The following PRMT8 variants were observed in gnomAD, a reference collection of about 807,000 sequenced individuals.
PRMT8 encodes the protein protein arginine N-methyltransferase 8.
In PRMT8, 7 loss-of-function variants were observed where a neutral mutation model predicts 47.1. The observed-to-expected ratio is 0.15, with a 90% CI of 0.08 to 0.28. The LOEUF is 0.28. Among genes scored for constraint, PRMT8 ranks in the 10% least tolerant of loss-of-function variants. The pLI is 1.00. For synonymous variants in PRMT8, 188 were observed against 186.5 expected (o/e 1.01, Z -0.07); for missense variants, 237 against 505.4 (o/e 0.47, Z 5.09).
chr12:3,540,832 C>A, intron 2 of PRMT8, 41 bp downstream of exon 2: 1 of 1,577,106 alleles, frequency 6.3e-7, no homozygotes, highest in South Asian at 1.2e-5. Context: ...GCGAGGCTGA[C>A]TCTGCTGTTC....
At chr12:3,559,726 T>A (rs896807376) in intron 4 of PRMT8, among the ~76,000 whole-genome samples, 2 of 152,216 alleles carry the variant, frequency 1.3e-5, no homozygotes, top group African/African-American at 4.8e-5. Context: ...GGCAGATGTC[T>A]GTCACCCCAT....
At position 3,550,258 on chromosome 12, in the gene PRMT8, G is replaced by A. The variant is rs557461434; in HGVS notation, c.417+167G>A. 19 of 768,548 alleles carry A rather than the reference G, an allele frequency of 2.5e-5. No individual in the cohort carries two copies. In the African/African-American group the frequency reaches 2.6e-4, roughly 11 times the overall value. The allele number at this position is 768,548 out of a possible 1,614,324, so 47.6% of individuals were successfully genotyped here. A position where few individuals can be genotyped will look rare whatever the true frequency, so the allele number is the denominator to read the frequency against. On this transcript the variant is annotated intron_variant, in intron 3 of 9. Transcript: ENST00000382622. The surrounding 1 kb of genome is among the most constrained non-coding windows in gnomAD (Gnocchi z 5.1). ...GTGTGACTCTCAGGAAGGGGAGCAGGCTGCCTGTCCCCTGTGCATGGCTCC... is the reference window on the plus strand; with the variant it reads ...GTGTGACTCTCAGGAAGGGGAGCAGACTGCCTGTCCCCTGTGCATGGCTCC...
chr12:3,572,449 C>T lies in PRMT8; in HGVS notation c.712+2885C>T, dbSNP rs981808007. Among the ~76,000 whole-genome samples, 1 of 152,184 alleles carries T rather than the reference C, an allele frequency of 6.6e-6. No homozygotes were observed. The highest frequency in any genetic ancestry group is 1.5e-5 in the Non-Finnish European group (1 of 68,016). On this transcript the variant is annotated intron_variant, in intron 6 of 9. Transcript: ENST00000382622. This position sits in a 1 kb window ranked among gnomAD's most constrained non-coding sequence, Gnocchi z 5.9. ...TGTACCCAGTGCATGAATCTACACC[C>T]TGCTGAGAATGAGAGAGATGGGCAC...
rs1464223990 is a variant in PRMT8 at position 3,569,180 on chromosome 12, T to C, written c.625-297T>C. ...TGGCTGCCAGAGCCAGGTGTGCTAT[T>C]CATCTGGGCTTCTCCAGGCCAAAGT... is the stretch of plus-strand genomic sequence containing the variant. On this transcript the variant is annotated intron_variant, in intron 5 of 9. Transcript: ENST00000382622. This position sits in a 1 kb window ranked among gnomAD's most constrained non-coding sequence, Gnocchi z 8.2. Among the ~76,000 whole-genome samples, 1 of 152,234 alleles carries C rather than the reference T, an allele frequency of 6.6e-6. No homozygotes were observed. Among genetic ancestry groups the C allele is most frequent in the Non-Finnish European group, 1.5e-5 (1 of 68,032 alleles).
Position 3,491,724 on chromosome 12 carries a change from C to T in PRMT8, c.75+24C>T, listed in dbSNP as rs772686122. On this transcript the variant is annotated intron_variant, in intron 1 of 9. Transcript: ENST00000382622. ...AGGTAAGGAGGCGAGCGAGCAGGGG[C>T]TCTCGGAGACCCCGCCGCCCACCCG... 2.5e-6 allele frequency: 4 copies of T among 1,593,272 alleles called. No homozygotes were observed. In the South Asian group the frequency reaches 3.4e-5, roughly 13 times the overall value.
chr12:3,420,112 C>T (rs1374063370), intron 1 of PRMT8, among the ~76,000 whole-genome samples: 1 of 151,754 alleles, frequency 6.6e-6, no homozygotes, highest in Non-Finnish European at 1.5e-5. Context: ...TGGAGGAACC[C>T]ACCTCATATG....
chr12:3,572,287 C>T lies in PRMT8; in HGVS notation c.712+2723C>T, dbSNP rs1437779596. 2.6e-5 allele frequency among the ~76,000 whole-genome samples: 4 copies of T among 152,170 alleles called. No individual in the cohort carries two copies. The highest frequency in any genetic ancestry group is 5.9e-5 in the Non-Finnish European group (4 of 68,024). On this transcript the variant is annotated intron_variant, in intron 6 of 9. Coordinates refer to ENST00000382622, the MANE Select transcript of PRMT8 (RefSeq NM_019854.5). The surrounding 1 kb of genome is among the most constrained non-coding windows in gnomAD (Gnocchi z 5.9). Reference sequence around the variant, plus strand: ...GAAAGTGAACCAGCAGAGGGATGTGCAAGGTGTAGTATTTAACTCTTAGAG... The same window carrying T: ...GAAAGTGAACCAGCAGAGGGATGTGTAAGGTGTAGTATTTAACTCTTAGAG...
chr12:3,554,705 A>C (rs557669832), intron 4 of PRMT8, among the ~76,000 whole-genome samples: 1 of 152,214 alleles, frequency 6.6e-6, no homozygotes, highest in South Asian at 2.1e-4. Context: ...GTTGGGAAGG[A>C]ATCTGATTTC....
chr12:3,440,543 G>A (rs1269631303), intron 1 of PRMT8, among the ~76,000 whole-genome samples: 2 of 152,064 alleles, frequency 1.3e-5, no homozygotes, highest in Non-Finnish European at 2.9e-5. Flanking sequence ...ACATACATGT[G>A]ATGTCAGACA....
At chr12:3,499,181 T>A (rs148218724) in intron 1 of PRMT8, among the ~76,000 whole-genome samples, 3,977 of 138,824 alleles carry the variant, frequency 0.029, 141 homozygotes, top group African/African-American at 0.09. Flanking sequence ...TTATTTATTT[T>A]TTTTTTCCTT....
Position 3,509,681 on chromosome 12 carries a change from G to C in PRMT8, c.75+17981G>C, listed in dbSNP as rs188360286. On this transcript the variant is annotated intron_variant, in intron 1 of 9. Coordinates refer to ENST00000382622, the MANE Select transcript of PRMT8 (RefSeq NM_019854.5). ...AATTAAATGAATATTTGTTGGTCCC[G>C]TTCTTAATTCAGTGATTGAGGCTGT... 1.8e-4 allele frequency among the ~76,000 whole-genome samples: 27 copies of C among 152,284 alleles called. No homozygotes were observed. In the East Asian group the frequency reaches 4.6e-3, roughly 26 times the overall value.
chr12:3,540,509 C>T (rs1203099225), intron 1 of PRMT8, 97 bp from the exon 2 acceptor site: 2 of 816,656 alleles, frequency 2.4e-6, no homozygotes, highest in South Asian at 1.6e-5. Flanking sequence ...CTGCTTGAGG[C>T]CGGGCTCAGG....
At chr12:3,397,645 A>C (rs1383725005) in intron 1 of PRMT8, among the ~76,000 whole-genome samples, 3 of 152,040 alleles carry the variant, frequency 2.0e-5, no homozygotes, top group African/African-American at 4.8e-5. Context: ...AAGTCTGCAG[A>C]GGTTACTGCT....
chr12:3,572,740 G>A lies in PRMT8; in HGVS notation c.712+3176G>A, dbSNP rs1285904256. Among the ~76,000 whole-genome samples the A allele has an allele frequency of 1.3e-5, 2 of 152,194 alleles. No individual in the cohort carries two copies. The highest frequency in any genetic ancestry group is 2.9e-5 in the Non-Finnish European group (2 of 68,038). On this transcript the variant is annotated intron_variant, in intron 6 of 9. Transcript: ENST00000382622. The surrounding 1 kb of genome is among the most constrained non-coding windows in gnomAD (Gnocchi z 5.9). ...GGAGAATCTGTAAGTAGCATCTGGT[G>A]GCACTTGTTCTATTTTTCTCTGACC...
At position 3,569,855 on chromosome 12, in the gene PRMT8, G is replaced by C. The variant is rs1316294119; in HGVS notation, c.712+291G>C. Among the ~76,000 whole-genome samples the C allele has an allele frequency of 6.6e-6, 1 of 152,204 alleles. No individual in the cohort carries two copies. The highest frequency in any genetic ancestry group is 1.5e-5 in the Non-Finnish European group (1 of 68,036). On this transcript the variant is annotated intron_variant, in intron 6 of 9. Coordinates refer to ENST00000382622, the MANE Select transcript of PRMT8 (RefSeq NM_019854.5). This position sits in a 1 kb window ranked among gnomAD's most constrained non-coding sequence, Gnocchi z 8.2. ...ATTGGACTGAGGCAGCAGAAGCTGA[G>C]TTTTTGCAGAGATCAGCAGGGCAAG...
At chr12:3,391,634 G>C (rs920239378) in intron 1 of PRMT8, among the ~76,000 whole-genome samples, 2 of 152,222 alleles carry the variant, frequency 1.3e-5, no homozygotes, top group African/African-American at 4.8e-5. Context: ...GATTCGGGCG[G>C]AGGAGGGATG....
At chr12:3,440,464 C>CA (rs140986852) in intron 1 of PRMT8, among the ~76,000 whole-genome samples, 1 of 148,402 alleles carries the variant, frequency 6.7e-6, no homozygotes, top group East Asian at 2.0e-4. Context: ...TCCGTCAAAA[C>CA]AAACAAAACA....
At chr12:3,414,423 C>T (rs1864463520) in intron 1 of PRMT8, among the ~76,000 whole-genome samples, 1 of 152,166 alleles carries the variant, frequency 6.6e-6, no homozygotes, top group African/African-American at 2.4e-5. Context: ...GACCTTGACA[C>T]TCTTAGTGGT....
In PRMT8 at chr12:3,491,476, G is replaced by A; in HGVS notation, c.-150G>A. 1 of 1,438,204 alleles carries A rather than the reference G, an allele frequency of 7.0e-7. No individual in the cohort carries two copies. Among genetic ancestry groups the A allele is most frequent in the Non-Finnish European group, 9.1e-7 (1 of 1,099,234 alleles). The allele number at this position is 1,438,204 out of a possible 1,614,324, so 89.1% of individuals were successfully genotyped here. ...AAGTGGAGACTGCAGAACAGACTCCGCTGTGGCTGACTGTGCCGGCCGACG... is the reference window on the plus strand; with the variant it reads ...AAGTGGAGACTGCAGAACAGACTCCACTGTGGCTGACTGTGCCGGCCGACG... On this transcript the variant is annotated 5_prime_UTR_variant, in exon 1 of 10. Transcript: ENST00000382622.
Sources: allele counts gnomAD v4.1 joint callset (sites outside exome capture counted in the v4.1 genomes callset), GRCh38; gene constraint gnomAD v4.1.1; non-coding constraint Gnocchi (gnomAD v3.1); transcripts MANE v1.5; gene names NCBI Gene and HGNC (gene_info 2026-07-23, HGNC 2026-07-21).